RICTOR: variants seen among roughly 807,000 people sequenced by gnomAD.
RICTOR encodes the protein RPTOR independent companion of MTOR complex 2, also known as rapamycin-insensitive companion of mTOR.
RICTOR carries 49 observed loss-of-function variants against 214.9 expected under a neutral mutation model. That is an observed-to-expected ratio of 0.23 (90% CI 0.18 to 0.29). RICTOR has a LOEUF of 0.29. RICTOR is among the 10% of genes least tolerant of loss of function. The pLI is 1.00. For synonymous variants in RICTOR, 717 were observed against 711.3 expected (o/e 1.01, Z -0.13); for missense variants, 1,625 against 2,047.0 (o/e 0.79, Z 3.98).
At chr5:39,068,682 G>A (rs1759083487) in intron 2 of RICTOR, among the ~76,000 whole-genome samples, 1 of 152,148 alleles carries the variant, frequency 6.6e-6, no homozygotes, top group Admixed American at 6.5e-5. Context: ...ACTGCCACAC[G>A]ATGACATAAT....
intron 32 of RICTOR, among the ~76,000 whole-genome samples, chr5:38,947,019 G>A (rs1748284955): frequency 6.6e-6 from 1 of 151,974 alleles, no homozygotes; most frequent in Non-Finnish European, 1.5e-5. Context: ...GAAATCAAAT[G>A]AGATACTGAT....
At chr5:38,996,782 C>T (rs1580050826) in intron 6 of RICTOR, 37 bp downstream of exon 6, 4 of 1,326,342 alleles carry the variant, frequency 3.0e-6, no homozygotes, top group Non-Finnish European at 4.3e-6. Flanking sequence ...ACATAAAAAC[C>T]ATAAATTTGC....
At chr5:38,974,451 C>T (rs1051538918) in intron 10 of RICTOR, among the ~76,000 whole-genome samples, 2 of 151,968 alleles carry the variant, frequency 1.3e-5, no homozygotes, top group Admixed American at 6.6e-5. Flanking sequence ...TTACAGGAAG[C>T]GTAGAGTCTG....
chr5:39,051,058 CACACACGCACCT>C (rs1472397731), intron 2 of RICTOR, among the ~76,000 whole-genome samples: 3 of 151,484 alleles, frequency 2.0e-5, no homozygotes, highest in Admixed American at 2.0e-4. Flanking sequence ...CACACACACA[CACACACGCACCT>C]ACACACACAC....
chr5:38,975,516 A>C (rs992759373), intron 10 of RICTOR, 21 bp downstream of exon 10: 1 of 1,566,792 alleles, frequency 6.4e-7, no homozygotes, highest in Non-Finnish European at 8.8e-7. Flanking sequence ...GGATGTTATA[A>C]AGCAATGTAG....
At chr5:39,030,749 A>T (rs1264386487) in intron 2 of RICTOR, among the ~76,000 whole-genome samples, 1 of 152,162 alleles carries the variant, frequency 6.6e-6, no homozygotes, top group African/African-American at 2.4e-5. Context: ...ATTAAATAAT[A>T]AATATGTGAG....
chr5:38,968,329 C>T (rs1256211084), intron 11 of RICTOR, among the ~76,000 whole-genome samples: 1 of 151,852 alleles, frequency 6.6e-6, no homozygotes, highest in Non-Finnish European at 1.5e-5. Flanking sequence ...CACTGCACTG[C>T]CAGTTGTTTA....
At chr5:38,962,645 C>G (rs943479610) in intron 17 of RICTOR, 59 bp from the exon 18 acceptor site, 1 of 1,004,814 alleles carries the variant, frequency 1.0e-6, no homozygotes. Flanking sequence ...TATCAGAAAA[C>G]TAAGTTCAAA....
chr5:38,961,425 A>C (rs1749784318), intron 19 of RICTOR, among the ~76,000 whole-genome samples: 2 of 152,180 alleles, frequency 1.3e-5, no homozygotes, highest in Admixed American at 6.5e-5. Flanking sequence ...GTCAAGCATG[A>C]AAGTTGCAAT....
intron 2 of RICTOR, among the ~76,000 whole-genome samples, chr5:39,048,561 A>T (rs1287444276): frequency 6.6e-6 from 1 of 152,128 alleles, no homozygotes; most frequent in Non-Finnish European, 1.5e-5. Context: ...GGGTTGTCAC[A>T]ATTCATAACT....
At chr5:38,971,788 AAC>A (rs1201895993) in intron 11 of RICTOR, 87 bp downstream of exon 11, 6 of 665,948 alleles carry the variant, frequency 9.0e-6, no homozygotes, top group Non-Finnish European at 1.1e-5. Flanking sequence ...TAATGAGGAA[AAC>A]ACATCACCTG....
At chr5:38,994,630 G>C (rs560597555) in intron 6 of RICTOR, among the ~76,000 whole-genome samples, 17 of 152,092 alleles carry the variant, frequency 1.1e-4, no homozygotes, top group Non-Finnish European at 2.9e-5. Context: ...CAATTTTCCT[G>C]TTCTAGGATT....
chr5:39,057,979 T>A (rs1427538321), intron 2 of RICTOR, among the ~76,000 whole-genome samples: 1 of 152,126 alleles, frequency 6.6e-6, no homozygotes, highest in Non-Finnish European at 1.5e-5. Context: ...ACTCTAGTGC[T>A]TTTGCATACT....
rs559935329 is a variant in RICTOR, at chr5:38,963,131, T to C, written c.1401-90A>G. 10 of 862,084 alleles carry C rather than the reference T, an allele frequency of 1.2e-5. No homozygotes were observed. The South Asian group carries it at 2.3e-4, about 20-fold the overall frequency. The allele number at this position is 862,084 out of a possible 1,614,324, so 53.4% of individuals were successfully genotyped here. A position where few individuals can be genotyped will look rare whatever the true frequency, so the allele number is the denominator to read the frequency against. Reference sequence around the variant, plus strand: ...GTAAATTATTAAAGCTTACGTAAGATCAAGGCTAGAAATTATTATTGATAA... The same window carrying C: ...GTAAATTATTAAAGCTTACGTAAGACCAAGGCTAGAAATTATTATTGATAA... On this transcript the variant is annotated intron_variant, in intron 16 of 37. Coordinates refer to ENST00000357387, the MANE Select transcript of RICTOR (RefSeq NM_152756.5).
At position 38,942,853 on chromosome 5, in the gene RICTOR, G is replaced by C; in HGVS notation, c.5032C>G (p.Gln1678Glu). 1 of 1,609,522 alleles carries C rather than the reference G, an allele frequency of 6.2e-7. No individual in the cohort carries two copies. ...CTTACTTGTAGAAACTGTACATCTT[G>C]AAATAATTCTTGTATGAACCTCCGA... ...PCRRFIQELF[Q>E]DVQFLQMHEE... Residue 1678 changes from glutamine (Q) to glutamate (E), a missense_variant, in exon 37 of 38, where the codon CAA (glutamine) becomes GAA (glutamate). By Grantham distance (29) the Gln-to-Glu change is conservative. Around this residue, in one of 5 missense-constraint regions of RICTOR, gnomAD observed 44 missense variants for 90.1 expected, o/e 0.49. Transcript: ENST00000357387.
intron 15 of RICTOR, among the ~76,000 whole-genome samples, chr5:38,965,658 T>G (rs1041310489): frequency 2.0e-5 from 3 of 151,968 alleles, no homozygotes; most frequent in African/African-American, 7.2e-5. Context: ...TGACTCTATA[T>G]AATTCTTTCA....
intron 2 of RICTOR, among the ~76,000 whole-genome samples, chr5:39,044,904 TA>T (rs1393058311): frequency 1.3e-5 from 2 of 152,200 alleles, no homozygotes; most frequent in African/African-American, 4.8e-5. Context: ...AACTAAAGCC[TA>T]ACCATTCCCC....
intron 36 of RICTOR, chr5:38,943,193 A>T (rs1747792301): frequency 4.9e-6 from 2 of 410,376 alleles, no homozygotes; most frequent in Non-Finnish European, 8.7e-6. Flanking sequence ...CAAAACCTGA[A>T]TACTTCTTGT....
rs1751754073 is a variant in RICTOR, at chr5:38,982,055, AC to A, written c.584-20del. ...TGAAGTGCTAAAAGAGAAAAACTTA[AC>A]ATATTATATTTGGGGTAATTATTAA... On this transcript the variant is annotated intron_variant, in intron 7 of 37. Coordinates refer to ENST00000357387, the MANE Select transcript of RICTOR (RefSeq NM_152756.5). The A allele has an allele frequency of 6.4e-7, 1 of 1,570,338 alleles. No individual in the cohort carries two copies. The highest frequency in any genetic ancestry group is 1.4e-5 in the African/African-American group (1 of 73,804).
Sources: gnomAD v4.1 joint callset for allele counts (sites outside exome capture counted in the v4.1 genomes callset) on GRCh38, gnomAD v4.1.1 for gene constraint, gnomAD v4.1.1 regional missense constraint, MANE v1.5 for transcripts, NCBI Gene and HGNC (gene_info 2026-07-23, HGNC 2026-07-21) for gene names.